SHANK1: variants seen among roughly 807,000 people sequenced by gnomAD.
The protein encoded by SHANK1 is SH3 and multiple ankyrin repeat domains 1, also known as SH3 and multiple ankyrin repeat domains protein 1.
A neutral mutation model predicts 165.6 loss-of-function variants in SHANK1; 35 were observed. The ratio of observed to expected loss-of-function variants is 0.21; its 90% confidence interval spans 0.16 to 0.28. The LOEUF is 0.28. Ranked by LOEUF, SHANK1 falls within the 10% of genes least tolerant of loss-of-function variation. The pLI, the probability that SHANK1 is intolerant of heterozygous loss-of-function variation, is 1.00. For missense variants in SHANK1, 2,681 were observed against 3,036.4 expected, an observed-to-expected ratio of 0.88 and a Z score of 2.75; for synonymous variants, 1,428 against 1,384.8, an observed-to-expected ratio of 1.03 and a Z score of -0.69.
chr19:50,675,403 A>G (rs1310018554), intron 21 of SHANK1, among the ~76,000 whole-genome samples: 2 of 152,208 alleles, frequency 1.3e-5, no homozygotes, highest in Non-Finnish European at 2.9e-5. Flanking sequence ...TCATCATCAC[A>G]GAGAGCTCTA....
At chr19:50,713,000 T>C (rs1487720846) in intron 6 of SHANK1, among the ~76,000 whole-genome samples, 1 of 152,056 alleles carries the variant, frequency 6.6e-6, no homozygotes, top group East Asian at 1.9e-4. Context: ...GCATGGGAGA[T>C]ACATGAAGAG....
intron 15 of SHANK1, among the ~76,000 whole-genome samples, chr19:50,689,853 C>T (rs1177659593): frequency 6.6e-6 from 1 of 152,118 alleles, no homozygotes; most frequent in African/African-American, 2.4e-5. Flanking sequence ...TTTGATGATA[C>T]CCCTCAAAAT....
At position 50,659,565 on chromosome 19, in the gene SHANK1, C is replaced by T. The variant is rs1474010974; in HGVS notation, c.*2400G>A. Among the ~76,000 whole-genome samples, 2 of 142,890 alleles carry T rather than the reference C, an allele frequency of 1.4e-5. No homozygotes were observed. The highest frequency in any genetic ancestry group is 2.5e-5 in the African/African-American group (1 of 39,494). The allele number at this position is 142,890 out of a possible 152,430, so 93.7% of individuals were successfully genotyped here. On this transcript the variant is annotated 3_prime_UTR_variant, in exon 24 of 24. Transcript: ENST00000293441. ...ATCCGCCCCCCTCCTCTTCCCCTCC[C>T]ACCCCCCCTTGGAAGACAATTCTCG...
At position 50,660,213 on chromosome 19, in the gene SHANK1, C is replaced by CGGGAATGAGCGGAGAGA. The variant is rs1555738406; in HGVS notation, c.*1751_*1752insTCTCTCCGCTCATTCCC. 1.4e-4 allele frequency among the ~76,000 whole-genome samples: 21 copies of CGGGAATGAGCGGAGAGA among 151,140 alleles called. No individual in the cohort carries two copies. The East Asian group carries it at 3.5e-3, about 25-fold the overall frequency. ...GGGGTGGCTTAACATTCCCAAGCCC[C>CGGGAATGAGCGGAGAGA]GGGAATAAGCGGAGAGAGGAAGCGT... On this transcript the variant is annotated 3_prime_UTR_variant, in exon 24 of 24. Transcript: ENST00000293441.
chr19:50,685,814 G>C (rs1485836282), intron 21 of SHANK1, among the ~76,000 whole-genome samples: 4 of 152,154 alleles, frequency 2.6e-5, no homozygotes, highest in African/African-American at 9.7e-5. Flanking sequence ...TTGGCCTCTG[G>C]TTGTGGGGAG....
At chr19:50,679,691 C>CT (rs1986110596) in intron 21 of SHANK1, among the ~76,000 whole-genome samples, 1 of 152,186 alleles carries the variant, frequency 6.6e-6, no homozygotes, top group African/African-American at 2.4e-5. Flanking sequence ...TGGGGAACTC[C>CT]TGCTAAGGAG....
Position 50,662,304 on chromosome 19 carries a change from G to C in SHANK1, c.6147C>G (p.Pro2049=), listed in dbSNP as rs200765609. Residue 2049 remains proline, a synonymous_variant, in exon 24 of 24, where the codon CCC becomes CCG. Coordinates refer to ENST00000293441, the MANE Select transcript of SHANK1 (RefSeq NM_016148.5). This position sits in a 1 kb window ranked among gnomAD's most constrained non-coding sequence, Gnocchi z 7.7. ...PTGGAGGSAD[P]FAPVFVPPHP... is the part of the protein sequence containing the mutation. ...GTGGCGGCACAAAGACTGGGGCGAA[G>C]GGGTCAGCCGAGCCTCCTGCCCCTC... 5 of 1,610,492 alleles carry C rather than the reference G, an allele frequency of 3.1e-6. No homozygotes were observed. In the East Asian group the frequency reaches 1.1e-4, roughly 36 times the overall value.
At chr19:50,700,889 G>A (rs1211645871) in intron 12 of SHANK1, among the ~76,000 whole-genome samples, 2 of 152,066 alleles carry the variant, frequency 1.3e-5, no homozygotes, top group South Asian at 4.1e-4. Flanking sequence ...AGTAGCTCCT[G>A]AATTTGATCA....
At chr19:50,707,020 C>T (rs190745016) in intron 8 of SHANK1, among the ~76,000 whole-genome samples, 174 of 152,288 alleles carry the variant, frequency 1.1e-3, no homozygotes, top group African/African-American at 4.0e-3. Context: ...TCAGGTGATC[C>T]GCCTGCCTTG....
Position 50,667,650 on chromosome 19 carries a change from G to C in SHANK1, c.4310C>G (p.Pro1437Arg), listed in dbSNP as rs1191156510. Residue 1437 changes from proline (P) to arginine (R), a missense_variant, in exon 23 of 24, where the codon CCG (proline) becomes CGG (arginine). This residue lies in a region of SHANK1 where 1,713 missense variants were observed against 1,630.2 expected (regional missense o/e 1.05). Transcript: ENST00000293441. The surrounding 1 kb of genome is among the most constrained non-coding windows in gnomAD (Gnocchi z 5.7). ...GSQEKSLPAS[P>R]PAARRSLLHR... ...TAGCAGGGAACGCCGGGCGGCGGGC[G>C]GGCTGGCGGGAAGGGACTTCTCCTG... is the stretch of plus-strand genomic sequence containing the variant. The C allele has an allele frequency of 7.1e-7, 1 of 1,407,148 alleles. No individual in the cohort carries two copies. 87.2% of individuals were successfully genotyped at this position (1,407,148 alleles called of 1,614,324 possible).
At position 50,668,796 on chromosome 19, in the gene SHANK1, G is replaced by A. The variant is rs1985675852; in HGVS notation, c.3164C>T (p.Pro1055Leu). Residue 1055 changes from proline to leucine, a missense_variant, in exon 23 of 24, where the codon CCC becomes CTC. Physicochemically the swap from Pro to Leu is moderately conservative, Grantham distance 98. Transcript: ENST00000293441. ...GGACGGGGCCCCCGGGGTCGGGCTG[G>A]GCCCGCCGCCCCTCCAGCCTCGCAG... is the stretch of plus-strand genomic sequence containing the variant. ...PSLRGWRGGG[P>L]SPTPGAPSPS... 1 of 1,272,732 alleles carries A rather than the reference G, an allele frequency of 7.9e-7. No homozygotes were observed. Among genetic ancestry groups the A allele is most frequent in the South Asian group, 3.2e-5 (1 of 31,448 alleles). 78.8% of individuals were successfully genotyped at this position (1,272,732 alleles called of 1,614,324 possible).
intron 21 of SHANK1, among the ~76,000 whole-genome samples, chr19:50,679,550 G>A (rs535328743): frequency 6.6e-6 from 1 of 152,296 alleles, no homozygotes; most frequent in Non-Finnish European, 1.5e-5. Context: ...CAATCAGAGT[G>A]CGCAGCCTTG....
At position 50,671,997 on chromosome 19, in the gene SHANK1, CTCT is replaced by C. The variant is rs889723502; in HGVS notation, c.2674+18_2674+20del. On this transcript the variant is annotated intron_variant, in intron 22 of 23. Transcript: ENST00000293441. Reference sequence around the variant, plus strand: ...TCCTGGCCTCCCCCAGCCCCCACATCTCTTCTTCTGGGTGGCATACCGATAGAT... The same window carrying C: ...TCCTGGCCTCCCCCAGCCCCCACATCTCTTCTGGGTGGCATACCGATAGAT... 1.3e-5 allele frequency: 20 copies of C among 1,588,154 alleles called. No homozygotes were observed. Among genetic ancestry groups the C allele is most frequent in the African/African-American group, 9.4e-5 (7 of 74,456 alleles).
chr19:50,703,406 G>T, intron 11 of SHANK1, 94 bp downstream of exon 11: 1 of 1,082,954 alleles, frequency 9.2e-7, no homozygotes. Context: ...GGCCTACAGA[G>T]GAAGGCAGCT....
At position 50,681,597 on chromosome 19, in the gene SHANK1, C is replaced by A. The variant is rs1400929894; in HGVS notation, c.2577+4640G>T. ...GTGGCTGCCTGGCACTTTACAGGAG[C>A]TCTGCGCATTTGTTGAATTAATGAA... On this transcript the variant is annotated intron_variant, in intron 21 of 23. Transcript: ENST00000293441. 2.0e-5 allele frequency among the ~76,000 whole-genome samples: 3 copies of A among 152,054 alleles called. No individual in the cohort carries two copies. In the East Asian group the frequency reaches 5.8e-4, roughly 29 times the overall value.
Position 50,668,150 on chromosome 19 carries a change from G to C in SHANK1, c.3810C>G (p.Gly1270=), listed in dbSNP as rs773751520. ...CCGGGGCCGCCCCTGTGCCCAGCCCGCCGTCCCCGCCGTCCTCGTCCCCCG... is the reference window on the plus strand; with the variant it reads ...CCGGGGCCGCCCCTGTGCCCAGCCCCCCGTCCCCGCCGTCCTCGTCCCCCG... ...TDAGDEDGGD[G]GLGTGAAPGP... Residue 1270 remains glycine, a synonymous_variant, in exon 23 of 24, where the codon GGC becomes GGG. Coordinates refer to ENST00000293441, the MANE Select transcript of SHANK1 (RefSeq NM_016148.5). The C allele has an allele frequency of 6.9e-7, 1 of 1,456,628 alleles. No homozygotes were observed. Among genetic ancestry groups the C allele is most frequent in the South Asian group, 1.3e-5 (1 of 74,216 alleles). 90.2% of individuals were successfully genotyped at this position (1,456,628 alleles called of 1,614,324 possible). A position where few individuals can be genotyped will look rare whatever the true frequency, so the allele number is the denominator to read the frequency against.
chr19:50,689,049 A>G (rs1231744391), intron 16 of SHANK1, 81 bp from the exon 17 acceptor site: 2 of 1,169,644 alleles, frequency 1.7e-6, no homozygotes, highest in Admixed American at 4.0e-5. Flanking sequence ...GACCCAAGTC[A>G]CGGAGGCCTC....
At chr19:50,679,477 C>T (rs1245770862) in intron 21 of SHANK1, among the ~76,000 whole-genome samples, 4 of 152,084 alleles carry the variant, frequency 2.6e-5, no homozygotes, top group Non-Finnish European at 5.9e-5. Context: ...GCACTGACTC[C>T]CCAGGGAGCA....
At position 50,688,809 on chromosome 19, in the gene SHANK1, CA is replaced by C; in HGVS notation, c.2172+34del. 6.3e-7 allele frequency: 1 copy of C among 1,591,112 alleles called. No homozygotes were observed. Among genetic ancestry groups the C allele is most frequent in the Non-Finnish European group, 8.6e-7 (1 of 1,167,132 alleles). On this transcript the variant is annotated intron_variant, in intron 17 of 23. Coordinates refer to ENST00000293441, the MANE Select transcript of SHANK1 (RefSeq NM_016148.5). This position sits in a 1 kb window ranked among gnomAD's most constrained non-coding sequence, Gnocchi z 6.7. ...CATGAGGGGGTCTGGGAACTTGTCACAGGGTCCCAGGGAAGAGAGGGGGCCT... is the reference window on the plus strand; with the variant it reads ...CATGAGGGGGTCTGGGAACTTGTCACGGGTCCCAGGGAAGAGAGGGGGCCT...
Sources: allele counts gnomAD v4.1 joint callset (sites outside exome capture counted in the v4.1 genomes callset), GRCh38; gene constraint gnomAD v4.1.1; regional missense constraint gnomAD v4.1.1; non-coding constraint Gnocchi (gnomAD v3.1); transcripts MANE v1.5; gene names NCBI Gene and HGNC (gene_info 2026-07-23, HGNC 2026-07-21).